The following PLEKHH1 variants were observed in gnomAD, a reference collection of about 807,000 sequenced individuals.
The protein encoded by PLEKHH1 is pleckstrin homology, MyTH4 and FERM domain containing H1, also known as pleckstrin homology domain-containing family H member 1.
A neutral mutation model predicts 160.0 loss-of-function variants in PLEKHH1; 104 were observed. The observed-to-expected ratio is 0.65, with a 90% CI of 0.55 to 0.76. PLEKHH1 has a LOEUF of 0.76. Ranked by LOEUF, PLEKHH1 falls within the 30% of genes least tolerant of loss-of-function variation. The pLI is 0.00. For missense variants in PLEKHH1, 1,427 were observed against 1,724.1 expected (o/e 0.83, Z 3.05); for synonymous variants, 619 against 678.4 (o/e 0.91, Z 1.36).
intron 2 of PLEKHH1, among the ~76,000 whole-genome samples, chr14:67,545,584 T>A (rs1416641307): frequency 1.3e-5 from 2 of 152,050 alleles, no homozygotes; most frequent in East Asian, 3.9e-4. Flanking sequence ...CAGAAATAAA[T>A]CCAAATATAT....
chr14:67,585,429 T>C (rs1200166455), intron 26 of PLEKHH1, 139 bp from the exon 27 acceptor site: 10 of 654,764 alleles, frequency 1.5e-5, no homozygotes, highest in Non-Finnish European at 2.7e-5. Flanking sequence ...TGTACAAATA[T>C]CATCTTTGTT....
rs1465128151 is a variant in PLEKHH1 at position 67,542,679 on chromosome 14, T to A, written c.126+686T>A. On this transcript the variant is annotated intron_variant, in intron 2 of 28. Transcript: ENST00000329153. ...GTTTCTGTGGGAAGATAACATTCTA[T>A]TTTATTTTATTTTATTTTATTTTAT... is the stretch of plus-strand genomic sequence containing the variant. 2.0e-5 allele frequency among the ~76,000 whole-genome samples: 3 copies of A among 148,536 alleles called. No homozygotes were observed. The South Asian group carries it at 6.2e-4, about 31-fold the overall frequency.
At position 67,561,993 on chromosome 14, in the gene PLEKHH1, C is replaced by G; in HGVS notation, c.463C>G (p.Arg155Gly). 1 of 1,613,800 alleles carries G rather than the reference C, an allele frequency of 6.2e-7. No individual in the cohort carries two copies. The highest frequency in any genetic ancestry group is 1.3e-5 in the African/African-American group (1 of 75,002). The change falls in exon 6 of 29, where the codon CGC becomes GGC. Residue 155 changes from arginine to glycine, a missense_variant. Arg to Gly is a moderately radical substitution (Grantham distance 125). Transcript: ENST00000329153. ...ENQHLKSHNQ[R>G]LVEQVGSLQD... ...TCAGCATCTGAAAAGCCATAATCAG[C>G]GCCTGGTGGAGCAGGTGGGATCCCT...
chr14:67,559,743 C>T, intron 5 of PLEKHH1, 52 bp downstream of exon 5: 1 of 1,251,226 alleles, frequency 8.0e-7, no homozygotes, highest in Non-Finnish European at 1.1e-6. Context: ...CTGGGCCTGC[C>T]CTGACCCCCG....
chr14:67,563,591 G>T (rs1456039694), intron 7 of PLEKHH1, among the ~76,000 whole-genome samples: 4 of 151,890 alleles, frequency 2.6e-5, no homozygotes, highest in African/African-American at 9.7e-5. Flanking sequence ...GCACCACCAC[G>T]CCCAGCTAAT....
chr14:67,570,418 C>A, intron 9 of PLEKHH1: 1 of 350,416 alleles, frequency 2.9e-6, no homozygotes, highest in Non-Finnish European at 4.0e-6. Flanking sequence ...TTTTCATACA[C>A]ATTTTTGTCT....
At chr14:67,577,872 A>G in intron 18 of PLEKHH1, 151 bp from the exon 19 acceptor site, 1 of 648,154 alleles carries the variant, frequency 1.5e-6, no homozygotes, top group Non-Finnish European at 2.6e-6. Flanking sequence ...TAGTAAGCAG[A>G]GATGCCCTCC....
At chr14:67,586,145 G>A in intron 28 of PLEKHH1, 48 bp downstream of exon 28, 1 of 1,601,464 alleles carries the variant, frequency 6.2e-7, no homozygotes, top group Non-Finnish European at 8.5e-7. Flanking sequence ...AGATGTGGTG[G>A]GCTTGGAGCT....
chr14:67,586,731 C>T (rs1346812716), intron 28 of PLEKHH1: 17 of 1,117,870 alleles, frequency 1.5e-5, no homozygotes, highest in Admixed American at 3.3e-5. Context: ...GCCAAACCTA[C>T]TCCTCCTTTA....
Position 67,578,390 on chromosome 14 carries a change from A to T in PLEKHH1, c.2752-144A>T. On this transcript the variant is annotated intron_variant, in intron 19 of 28. Coordinates refer to ENST00000329153, the MANE Select transcript of PLEKHH1 (RefSeq NM_020715.3). The surrounding 1 kb of genome is among the most constrained non-coding windows in gnomAD (Gnocchi z 5.0). ...GTGATTGCATTCTGGACACAGCCTG[A>T]CCAAGTTGGCCATCCCAGCACCCAG... 1 of 764,378 alleles carries T rather than the reference A, an allele frequency of 1.3e-6. No homozygotes were observed. Among genetic ancestry groups the T allele is most frequent in the Admixed American group, 2.1e-5 (1 of 47,976 alleles). 47.3% of individuals were successfully genotyped at this position (764,378 alleles called of 1,614,324 possible).
At chr14:67,545,260 T>C (rs2034131063) in intron 2 of PLEKHH1, among the ~76,000 whole-genome samples, 1 of 152,238 alleles carries the variant, frequency 6.6e-6, no homozygotes. Context: ...CTTATTCACA[T>C]GGTTATACCC....
At chr14:67,534,975 G>T (rs1594732419) in intron 1 of PLEKHH1, among the ~76,000 whole-genome samples, 1 of 152,240 alleles carries the variant, frequency 6.6e-6, no homozygotes, top group South Asian at 2.1e-4. Context: ...CATCAATAAG[G>T]AACCCTTCAA....
chr14:67,551,331 T>G (rs1176729449), intron 2 of PLEKHH1, among the ~76,000 whole-genome samples: 1 of 152,228 alleles, frequency 6.6e-6, no homozygotes, highest in Non-Finnish European at 1.5e-5. Flanking sequence ...AAGTGCCATC[T>G]TTGTATAGGA....
chr14:67,543,610 A>G (rs2034058857), intron 2 of PLEKHH1, among the ~76,000 whole-genome samples: 2 of 152,192 alleles, frequency 1.3e-5, no homozygotes, highest in Non-Finnish European at 2.9e-5. Context: ...ACAAGCGTCC[A>G]GAAAATCATT....
chr14:67,534,681 C>G (rs1456828549), intron 1 of PLEKHH1, among the ~76,000 whole-genome samples: 1 of 151,964 alleles, frequency 6.6e-6, no homozygotes, highest in East Asian at 1.9e-4. Flanking sequence ...AGCCTGTGGC[C>G]CCAAACTCAT....
chr14:67,535,887 G>C (rs1175207119), intron 1 of PLEKHH1, among the ~76,000 whole-genome samples: 1 of 152,192 alleles, frequency 6.6e-6, no homozygotes, highest in South Asian at 2.1e-4. Context: ...TTAAATGACG[G>C]TTTCATATGG....
intron 2 of PLEKHH1, among the ~76,000 whole-genome samples, chr14:67,547,519 A>G (rs1369121327): frequency 6.6e-6 from 1 of 152,126 alleles, no homozygotes. Flanking sequence ...CACTGGGAGG[A>G]GCCATGTCAG....
Position 67,562,697 on chromosome 14 carries a change from C to G in PLEKHH1, c.1066C>G (p.Leu356Val). The G allele has an allele frequency of 1.9e-6, 3 of 1,612,616 alleles. No homozygotes were observed. Among genetic ancestry groups the G allele is most frequent in the Non-Finnish European group, 1.7e-6 (2 of 1,179,374 alleles). The change falls in exon 7 of 29, where the codon CTC (leucine) becomes GTC (valine). Residue 356 changes from leucine (L) to valine (V), a missense_variant. This residue lies in a region of PLEKHH1 where 831 missense variants were observed against 929.2 expected (regional missense o/e 0.89). Coordinates refer to ENST00000329153, the MANE Select transcript of PLEKHH1 (RefSeq NM_020715.3). ...CATTGAGACTGAGGCCTTCTCAGCC[C>G]TCCACCCCTCTGGCCTTCCTGAGCT... The part of the protein sequence containing the change: ...VNIETEAFSA[L>V]HPSGLPELES...
At chr14:67,584,372 T>C (rs1317045938) in intron 26 of PLEKHH1, among the ~76,000 whole-genome samples, 1 of 152,220 alleles carries the variant, frequency 6.6e-6, no homozygotes, top group Non-Finnish European at 1.5e-5. Flanking sequence ...CACACAAAGA[T>C]TCAGACTTGA....
Sources: allele counts gnomAD v4.1 joint callset (sites outside exome capture counted in the v4.1 genomes callset), GRCh38; gene constraint gnomAD v4.1.1; regional missense constraint gnomAD v4.1.1; non-coding constraint Gnocchi (gnomAD v3.1); transcripts MANE v1.5; gene names NCBI Gene and HGNC (gene_info 2026-07-23, HGNC 2026-07-21).